Variants in CSMD1 observed in about 807,000 individuals in gnomAD.
CSMD1 encodes the protein CUB and sushi domain-containing protein 1.
CSMD1 carries 213 observed loss-of-function variants against 417.5 expected under a neutral mutation model. The ratio of observed to expected loss-of-function variants is 0.51; its 90% CI spans 0.46 to 0.57. CSMD1 has a LOEUF of 0.57. Among genes scored for constraint, CSMD1 ranks in the 20% least tolerant of loss-of-function variants. The probability of loss-of-function intolerance (pLI) is 0.00; values close to 1 mark genes in which losing one functional copy is unlikely to be tolerated. For synonymous variants in CSMD1, 2,862 were observed against 1,736.8 expected (o/e 1.65, Z -16.11); for missense variants, 6,923 against 4,529.7 (o/e 1.53, Z -15.17).
intron 10 of CSMD1, among the ~76,000 whole-genome samples, chr8:3,553,242 G>C (rs6558792): frequency 0.52 from 79,794 of 152,032 alleles, 21,128 homozygotes; most frequent in East Asian, 0.62. Context: ...TAGGCTTTCA[G>C]TAATGTAGCC....
intron 5 of CSMD1, among the ~76,000 whole-genome samples, chr8:3,900,095 G>A (rs555552064): frequency 6.7e-6 from 1 of 150,274 alleles, no homozygotes; most frequent in South Asian, 2.1e-4. Flanking sequence ...GCTGTGTGAT[G>A]GTGCAGCTGG....
At chr8:4,108,368 G>T (rs1051661359) in intron 3 of CSMD1, among the ~76,000 whole-genome samples, 3 of 152,096 alleles carry the variant, frequency 2.0e-5, no homozygotes, top group Non-Finnish European at 2.9e-5. Context: ...CTCACCCCGG[G>T]TATCTGTATC....
intron 68 of CSMD1, among the ~76,000 whole-genome samples, chr8:2,944,766 T>C (rs1003861273): frequency 2.6e-5 from 4 of 152,226 alleles, no homozygotes; most frequent in African/African-American, 7.2e-5. Context: ...ATGCCAAACA[T>C]TGATCTTCAA....
At chr8:4,541,444 G>T (rs551370107) in intron 2 of CSMD1, among the ~76,000 whole-genome samples, 1 of 152,166 alleles carries the variant, frequency 6.6e-6, no homozygotes, top group Non-Finnish European at 1.5e-5. Context: ...CTTGGATCAA[G>T]GTGTCCCACG....
In CSMD1 at chr8:3,205,277, C is replaced by T. The variant is rs186482472; in HGVS notation, c.4984+227G>A. Among the ~76,000 whole-genome samples the T allele has an allele frequency of 3.2e-4, 49 of 152,148 alleles. 1 individual carries two copies. Among genetic ancestry groups the T allele is most frequent in the African/African-American group, 1.2e-4 (5 of 41,432 alleles). ...CCAAATTAATTCTCTCTGATTATTT[C>T]GGATCATAACCCTAGAGGGGACTGT... On this transcript the variant is annotated intron_variant, in intron 31 of 69. Transcript: ENST00000635120.
chr8:4,850,383 T>TATA (rs1003771609), intron 1 of CSMD1, among the ~76,000 whole-genome samples: 3 of 35,212 alleles, frequency 8.5e-5, no homozygotes, highest in South Asian at 1.3e-3. Context: ...CCAATTTATC[T>TATA]TTTTTTTTTT....
chr8:3,407,217 T>A (rs7014229), intron 14 of CSMD1, among the ~76,000 whole-genome samples: 1 of 150,488 alleles, frequency 6.6e-6, no homozygotes, highest in Non-Finnish European at 1.5e-5. Context: ...GGTGAAATAA[T>A]AGATAAATGG....
At chr8:3,208,967 T>G (rs1453550602) in intron 30 of CSMD1, among the ~76,000 whole-genome samples, 1 of 152,200 alleles carries the variant, frequency 6.6e-6, no homozygotes, top group Non-Finnish European at 1.5e-5. Flanking sequence ...CCTTTATATA[T>G]GTAACTATTC....
chr8:3,891,678 G>C (rs1408391392), intron 5 of CSMD1, among the ~76,000 whole-genome samples: 1 of 115,490 alleles, frequency 8.7e-6, no homozygotes, highest in East Asian at 2.8e-4. Flanking sequence ...GCAAGACCTT[G>C]TCTCAAAACG....
chr8:4,447,268 C>G (rs1011039287), intron 2 of CSMD1, among the ~76,000 whole-genome samples: 5 of 152,134 alleles, frequency 3.3e-5, no homozygotes, highest in African/African-American at 1.2e-4. Flanking sequence ...TTAGATACAA[C>G]TAAAGCAAAT....
chr8:3,356,310 G>A (rs1354536326), intron 21 of CSMD1, among the ~76,000 whole-genome samples: 1 of 152,188 alleles, frequency 6.6e-6, no homozygotes, highest in Non-Finnish European at 1.5e-5. Context: ...TCCTCTTTTG[G>A]ATACACAGAA....
chr8:4,128,589 C>G (rs914002070), intron 3 of CSMD1, among the ~76,000 whole-genome samples: 1 of 152,162 alleles, frequency 6.6e-6, no homozygotes, highest in African/African-American at 2.4e-5. Flanking sequence ...TCCAAACCTT[C>G]AAAGACCATT....
At chr8:3,775,099 A>G (rs1188823374) in intron 5 of CSMD1, among the ~76,000 whole-genome samples, 1 of 152,198 alleles carries the variant, frequency 6.6e-6, no homozygotes, top group Non-Finnish European at 1.5e-5. Context: ...TTTTCTATTT[A>G]ATGTTTTTAG....
intron 5 of CSMD1, among the ~76,000 whole-genome samples, chr8:3,773,653 T>A (rs1334752568): frequency 6.6e-6 from 1 of 152,184 alleles, no homozygotes; most frequent in Non-Finnish European, 1.5e-5. Context: ...TATTCAATTT[T>A]GGCCTTATTC....
In CSMD1 at chr8:3,218,560, C is replaced by CAAAAAAAAAAA. The variant is rs375544620; in HGVS notation, c.4672+694_4672+695insTTTTTTTTTTT. On this transcript the variant is annotated intron_variant, in intron 29 of 69. Transcript: ENST00000635120. ...TGCATGATAGAGCAAGACTCCATCT[C>CAAAAAAAAAAA]AAAAATAAAAAAAAAAAGAAATTAT... 1.6e-5 allele frequency among the ~76,000 whole-genome samples: 2 copies of CAAAAAAAAAAA among 128,654 alleles called. 1 individual carries two copies. The highest frequency in any genetic ancestry group is 6.0e-5 in the African/African-American group (2 of 33,448). The allele number at this position is 128,654 out of a possible 152,430, so 84.4% of individuals were successfully genotyped here. A position where few individuals can be genotyped will look rare whatever the true frequency, so the allele number is the denominator to read the frequency against.
chr8:3,337,842 C>A (rs1322211753), intron 23 of CSMD1, among the ~76,000 whole-genome samples: 1 of 152,142 alleles, frequency 6.6e-6, no homozygotes, highest in Non-Finnish European at 1.5e-5. Flanking sequence ...GCTACAAACC[C>A]AAACCGTAAG....
chr8:4,746,661 G>T (rs1359757422), intron 1 of CSMD1, among the ~76,000 whole-genome samples: 1 of 152,140 alleles, frequency 6.6e-6, no homozygotes, highest in Admixed American at 6.5e-5. Context: ...CACAAACTAT[G>T]CAGTTCATTT....
At chr8:3,196,727 C>T (rs752896193) in intron 33 of CSMD1, among the ~76,000 whole-genome samples, 2 of 152,190 alleles carry the variant, frequency 1.3e-5, no homozygotes, top group Non-Finnish European at 2.9e-5. Context: ...TCCATAATCA[C>T]TGAAACTTGT....
intron 5 of CSMD1, among the ~76,000 whole-genome samples, chr8:3,971,002 C>G (rs779750706): frequency 6.6e-6 from 1 of 152,182 alleles, no homozygotes; most frequent in African/African-American, 2.4e-5. Flanking sequence ...CCCCCCGCCT[C>G]AGACTCCCAA....
Sources: gnomAD v4.1 joint callset for allele counts (sites outside exome capture counted in the v4.1 genomes callset) on GRCh38, gnomAD v4.1.1 for gene constraint, MANE v1.5 for transcripts, NCBI Gene and HGNC (gene_info 2026-07-23, HGNC 2026-07-21) for gene names.